The following INSC variants were observed in gnomAD, a reference collection of about 807,000 sequenced individuals.
INSC encodes protein inscuteable homolog.
In INSC, 67 loss-of-function variants were observed where a neutral mutation model predicts 58.6. The ratio of observed to expected loss-of-function variants is 1.14; its 90% CI spans 0.94 to 1.40. The LOEUF (loss-of-function observed/expected upper bound fraction) is 1.40, where lower values mean the gene tolerates loss of function less well. INSC is among the 40% of genes most tolerant of loss of function. The pLI is 0.00. For synonymous variants in INSC, 262 were observed against 276.1 expected, an observed-to-expected ratio of 0.95 and a Z score of 0.51; for missense variants, 714 against 692.0, an observed-to-expected ratio of 1.03 and a Z score of -0.36.
At position 15,147,733 on chromosome 11, in the gene INSC, C is replaced by G. The variant is rs189066259; in HGVS notation, c.-45-1397C>G. On this transcript the variant is annotated intron_variant, in intron 1 of 12. Transcript: ENST00000379556. ...CAGACCAAGAAACAGGCAACGGCAG[C>G]AAGTCTCTGGAATTATCTAGCACCC... 7.2e-5 allele frequency among the ~76,000 whole-genome samples: 11 copies of G among 152,340 alleles called. No individual in the cohort carries two copies. In the East Asian group the frequency reaches 2.1e-3, roughly 29 times the overall value.
chr11:15,235,989 G>T (rs1176445928), intron 10 of INSC, among the ~76,000 whole-genome samples: 1 of 150,936 alleles, frequency 6.6e-6, no homozygotes, highest in Non-Finnish European at 1.5e-5. Flanking sequence ...CTGGGAGGCG[G>T]AGGTTGCAGT....
At chr11:15,195,109 A>G (rs1461871172) in intron 6 of INSC, among the ~76,000 whole-genome samples, 1 of 152,180 alleles carries the variant, frequency 6.6e-6, no homozygotes, top group Non-Finnish European at 1.5e-5. Context: ...AGGAGATAGC[A>G]TTGGATCTGT....
At chr11:15,116,805 T>TTTCTCTTTCTTTCTTTCTTTC (rs1554900053) in intron 1 of INSC, among the ~76,000 whole-genome samples, 1 of 19,942 alleles carries the variant, frequency 5.0e-5, no homozygotes, top group African/African-American at 1.3e-4. Flanking sequence ...CTTTTCTTTC[T>TTTCTCTTTCTTTCTTTCTTTC]TTTCTTTCTT....
At chr11:15,169,200 T>TA (rs1564881370) in intron 2 of INSC, among the ~76,000 whole-genome samples, 1 of 151,910 alleles carries the variant, frequency 6.6e-6, no homozygotes, top group Non-Finnish European at 1.5e-5. Context: ...GAGGGAGGGT[T>TA]CCCGATGTAG....
intron 9 of INSC, among the ~76,000 whole-genome samples, chr11:15,230,014 A>T (rs865972325): frequency 0.034 from 309 of 9,022 alleles, 12 homozygotes; most frequent in African/African-American, 0.07. Flanking sequence ...TATATATATA[A>T]TATATATATA....
chr11:15,134,619 A>G (rs1011240255), intron 1 of INSC, among the ~76,000 whole-genome samples: 1 of 152,220 alleles, frequency 6.6e-6, no homozygotes, highest in African/African-American at 2.4e-5. Context: ...ACTGAGGAAG[A>G]AGTGACTTCC....
Position 15,246,061 on chromosome 11 carries a change from C to T in INSC, c.*21C>T, listed in dbSNP as rs767217426. On this transcript the variant is annotated 3_prime_UTR_variant, in exon 13 of 13. Coordinates refer to ENST00000379556, the MANE Select transcript of INSC (RefSeq NM_001042536.3). ...TGTAGTGAGTGTGGGCGAAGAAATACATTTGGCTGTTCTCACACCCCCTCT... is the reference window on the plus strand; with the variant it reads ...TGTAGTGAGTGTGGGCGAAGAAATATATTTGGCTGTTCTCACACCCCCTCT... The T allele has an allele frequency of 9.3e-6, 15 of 1,613,784 alleles. No individual in the cohort carries two copies. The highest frequency in any genetic ancestry group is 2.2e-5 in the East Asian group (1 of 44,874).
At chr11:15,245,143 C>A (rs1419529952) in intron 12 of INSC, among the ~76,000 whole-genome samples, 1 of 152,086 alleles carries the variant, frequency 6.6e-6, no homozygotes, top group Non-Finnish European at 1.5e-5. Flanking sequence ...CTAGTTATGG[C>A]CAAGTGTGAG....
intron 12 of INSC, among the ~76,000 whole-genome samples, chr11:15,245,604 G>A (rs1010024138): frequency 6.6e-6 from 1 of 152,120 alleles, no homozygotes; most frequent in African/African-American, 2.4e-5. Flanking sequence ...AGTTCTTGCT[G>A]TTCTAAGGTT....
At chr11:15,267,386 T>A in the INSC span, among the ~76,000 whole-genome samples, 2 of 152,028 alleles carry the variant, frequency 1.3e-5, no homozygotes, top group Non-Finnish European at 2.9e-5. Context: ...TTGGGCTGAA[T>A]GAAAATTTCC....
chr11:15,186,557 A>C (rs56935771), intron 5 of INSC, among the ~76,000 whole-genome samples: 2,568 of 152,280 alleles, frequency 0.017, 75 homozygotes, highest in African/African-American at 0.058. Context: ...GTTCTAAGAG[A>C]TCTTATCCAC....
chr11:15,267,051 T>C, the INSC span, among the ~76,000 whole-genome samples: 1 of 152,060 alleles, frequency 6.6e-6, no homozygotes, highest in African/African-American at 2.4e-5. Flanking sequence ...TTGTAGCATA[T>C]ACATCTACCA....
intron 9 of INSC, among the ~76,000 whole-genome samples, chr11:15,227,929 G>A (rs996405440): frequency 6.6e-5 from 10 of 152,146 alleles, no homozygotes; most frequent in African/African-American, 2.4e-4. Flanking sequence ...AGGAATTTTG[G>A]ATTCAGACAA....
Position 15,175,612 on chromosome 11 carries a change from G to T in INSC, c.57-129G>T, listed in dbSNP as rs1001766656. ...AATGAGAAATGACTGAGAATATCAA[G>T]GTGCATGAATGGGAGAAACACTGCT... On this transcript the variant is annotated intron_variant, in intron 2 of 12. Transcript: ENST00000379556. 6 of 567,894 alleles carry T rather than the reference G, an allele frequency of 1.1e-5. No individual in the cohort carries two copies. In the African/African-American group the frequency reaches 1.1e-4, roughly 11 times the overall value. 35.2% of individuals were successfully genotyped at this position (567,894 alleles called of 1,614,324 possible).
intron 2 of INSC, among the ~76,000 whole-genome samples, chr11:15,166,900 T>A (rs1049047284): frequency 2.0e-5 from 3 of 152,224 alleles, no homozygotes; most frequent in African/African-American, 7.2e-5. Context: ...ATGTGGCCTT[T>A]CTACACCTCT....
At chr11:15,241,690 C>G in intron 12 of INSC, 1 of 697,496 alleles carries the variant, frequency 1.4e-6, no homozygotes, top group South Asian at 1.5e-5. Context: ...GTGAAGCTTA[C>G]GGAGCCCTTC....
At chr11:15,215,996 G>A (rs770239178) in intron 7 of INSC, among the ~76,000 whole-genome samples, 14 of 152,194 alleles carry the variant, frequency 9.2e-5, no homozygotes, top group Non-Finnish European at 1.9e-4. Flanking sequence ...TATATAAAAT[G>A]ATAAGATAGC....
At chr11:15,221,361 G>A in intron 7 of INSC, 116 bp from the exon 8 acceptor site, 1 of 1,247,196 alleles carries the variant, frequency 8.0e-7, no homozygotes, top group East Asian at 2.4e-5. Context: ...GGCTGTTCTG[G>A]GAAGCCAGAG....
intron 2 of INSC, among the ~76,000 whole-genome samples, chr11:15,150,013 C>A (rs905533609): frequency 6.6e-6 from 1 of 152,202 alleles, no homozygotes; most frequent in African/African-American, 2.4e-5. Flanking sequence ...GGAATTATGG[C>A]TGGCCATAAA....
Sources: allele counts gnomAD v4.1 joint callset (sites outside exome capture counted in the v4.1 genomes callset), GRCh38; gene constraint gnomAD v4.1.1; transcripts MANE v1.5; gene names NCBI Gene and HGNC (gene_info 2026-07-23, HGNC 2026-07-21).